Variants in PTPN7 observed in about 807,000 individuals in gnomAD.
PTPN7 encodes the protein tyrosine-protein phosphatase non-receptor type 7.
Under a neutral mutation model 50.3 loss-of-function variants are expected in PTPN7, and 33 were observed. The observed-to-expected ratio is 0.66, with a 90% CI of 0.50 to 0.88. The LOEUF (loss-of-function observed/expected upper bound fraction) is 0.88, where lower values mean the gene tolerates loss of function less well. Ranked by LOEUF, PTPN7 falls within the 40% of genes least tolerant of loss-of-function variation. PTPN7 has a pLI of 0.00. For synonymous variants in PTPN7, 185 were observed against 186.6 expected, an observed-to-expected ratio of 0.99 and a Z score of 0.07; for missense variants, 412 against 475.4, an observed-to-expected ratio of 0.87 and a Z score of 1.24.
At chr1:202,154,463 C>G in intron 5 of PTPN7, 140 bp from the exon 6 acceptor site, 1 of 959,712 alleles carries the variant, frequency 1.0e-6, no homozygotes, top group Non-Finnish European at 1.5e-6. Flanking sequence ...AACACGCACA[C>G]TCAGAAGCCA....
chr1:202,153,711 C>T lies in PTPN7; in HGVS notation c.717+14G>A, dbSNP rs200484612. 72 of 1,605,950 alleles carry T rather than the reference C, an allele frequency of 4.5e-5. No individual in the cohort carries two copies. Among genetic ancestry groups the T allele is most frequent in the African/African-American group, 9.4e-5 (7 of 74,800 alleles). ...CCCAACTTCCCACTGGGCCTGGCTC[C>T]GGGGGGGTGGTACCTGGATGGTGAG... is the stretch of plus-strand genomic sequence containing the variant. On this transcript the variant is annotated intron_variant, in intron 7 of 9. Transcript: ENST00000691036.
At position 202,148,593 on chromosome 1, in the gene PTPN7, A is replaced by C. The variant is rs1050696463; in HGVS notation, c.*13T>G. On this transcript the variant is annotated 3_prime_UTR_variant, in exon 10 of 10. Transcript: ENST00000691036. ...GGGAGGTAGGCACCTGGGCCACCGG[A>C]GGGTGGCAGGGGTCAGGGGCTGGGT... 1.2e-6 allele frequency: 2 copies of C among 1,610,600 alleles called. No homozygotes were observed. The highest frequency in any genetic ancestry group is 1.3e-5 in the African/African-American group (1 of 74,836).
chr1:202,159,732 A>G lies in PTPN7; in HGVS notation c.-52-278T>C. ...GGAAAAGAGAGAGGGGAGAGAGGCC[A>G]CACACCAGAGTACACAGGGCTCTGA... On this transcript the variant is annotated intron_variant, in intron 1 of 9. Transcript: ENST00000691036. The surrounding 1 kb of genome is among the most constrained non-coding windows in gnomAD (Gnocchi z 4.6). 1 of 1,359,284 alleles carries G rather than the reference A, an allele frequency of 7.4e-7. No homozygotes were observed. Among genetic ancestry groups the G allele is most frequent in the African/African-American group, 1.5e-5 (1 of 68,888 alleles). The allele number at this position is 1,359,284 out of a possible 1,614,324, so 84.2% of individuals were successfully genotyped here.
intron 4 of PTPN7, among the ~76,000 whole-genome samples, chr1:202,156,846 C>T (rs1019463047): frequency 1.3e-5 from 2 of 152,122 alleles, no homozygotes; most frequent in African/African-American, 4.8e-5. Flanking sequence ...GGAGAGGCTC[C>T]GGGGCCTCAT....
At chr1:202,160,726 C>T (rs756300882), upstream of PTPN7, 10 of 1,550,318 alleles carry the variant, frequency 6.5e-6, no homozygotes, top group South Asian at 8.3e-5. This position sits in a 1 kb window ranked among gnomAD's most constrained non-coding sequence, Gnocchi z 4.8. Flanking sequence ...CACCAGGGGT[C>T]GGCTGCCTCC....
At chr1:202,156,919 C>T (rs1656727300) in intron 4 of PTPN7, among the ~76,000 whole-genome samples, 1 of 152,136 alleles carries the variant, frequency 6.6e-6, no homozygotes, top group Admixed American at 6.5e-5. Context: ...GTCACCCCCT[C>T]CTAGCACAGT....
Position 202,159,482 on chromosome 1 carries a change from T to A in PTPN7, c.-52-28A>T, listed in dbSNP as rs1178606048. ...GAAAGACAGGGCCCTCCGCTGCTGTTCTCTGGCCTGCCTGATTGGCCAGAA... is the reference window on the plus strand; with the variant it reads ...GAAAGACAGGGCCCTCCGCTGCTGTACTCTGGCCTGCCTGATTGGCCAGAA... On this transcript the variant is annotated intron_variant, in intron 1 of 9. Transcript: ENST00000691036. This position sits in a 1 kb window ranked among gnomAD's most constrained non-coding sequence, Gnocchi z 4.6. The A allele has an allele frequency of 1.9e-6, 3 of 1,599,116 alleles. No homozygotes were observed. In the Admixed American group the frequency reaches 5.1e-5, roughly 27 times the overall value.
In PTPN7 at chr1:202,155,554, G is replaced by A; in HGVS notation, c.447C>T (p.Tyr149=). The A allele has an allele frequency of 1.3e-6, 2 of 1,565,866 alleles. No homozygotes were observed. Among genetic ancestry groups the A allele is most frequent in the South Asian group, 1.1e-5 (1 of 90,080 alleles). The change falls in exon 5 of 10, where the codon TAC becomes TAT. Residue 149 remains tyrosine, a synonymous_variant. Transcript: ENST00000691036. ...GRAQSQEDGD[Y]INANYIRGYD... Reference sequence around the variant, plus strand: ...TCACTCGGATGTAGTTGGCATTGATGTAATCTCCGTCCTCCTGGCTCTGTG... The same window carrying A: ...TCACTCGGATGTAGTTGGCATTGATATAATCTCCGTCCTCCTGGCTCTGTG...
intron 2 of PTPN7, chr1:202,158,523 G>A: frequency 2.0e-6 from 1 of 489,856 alleles, no homozygotes; most frequent in Admixed American, 3.8e-5. Context: ...ACCACACCTG[G>A]CTAATTTAAG....
upstream of PTPN7, chr1:202,161,529 C>T (rs568754062): frequency 1.2e-3 from 1,489 of 1,289,256 alleles, 1 homozygote; most frequent in Non-Finnish European, 1.4e-3. Context: ...CCTTGGCAGG[C>T]TCCTTGCGGG....
chr1:202,159,458 A>G lies in PTPN7; in HGVS notation c.-52-4T>C. The G allele has an allele frequency of 3.1e-6, 5 of 1,610,756 alleles. No homozygotes were observed. The highest frequency in any genetic ancestry group is 4.2e-6 in the Non-Finnish European group (5 of 1,177,454). On this transcript the variant is annotated splice_polypyrimidine_tract_variant and splice_region_variant and intron_variant, in intron 1 of 9. Transcript: ENST00000691036. The surrounding 1 kb of genome is among the most constrained non-coding windows in gnomAD (Gnocchi z 4.6). Reference sequence around the variant, plus strand: ...CTCACTCAGCCATGAGGTCTGCCTGAAAGACAGGGCCCTCCGCTGCTGTTC... The same window carrying G: ...CTCACTCAGCCATGAGGTCTGCCTGGAAGACAGGGCCCTCCGCTGCTGTTC...
rs1241736700 is a variant in PTPN7, at chr1:202,160,335, C to T, written c.-53+210G>A. Among the ~76,000 whole-genome samples, 1 of 152,048 alleles carries T rather than the reference C, an allele frequency of 6.6e-6. No individual in the cohort carries two copies. Among genetic ancestry groups the T allele is most frequent in the Non-Finnish European group, 1.5e-5 (1 of 67,980 alleles). Reference sequence around the variant, plus strand: ...GGGTCTCTGGTAGCAGAAAAGGTCCCTTCAGCCTCTGCTCTCCTTGTAGCT... The same window carrying T: ...GGGTCTCTGGTAGCAGAAAAGGTCCTTTCAGCCTCTGCTCTCCTTGTAGCT... On this transcript the variant is annotated intron_variant, in intron 1 of 9. Coordinates refer to ENST00000691036, the MANE Select transcript of PTPN7 (RefSeq NM_002832.4). This position sits in a 1 kb window ranked among gnomAD's most constrained non-coding sequence, Gnocchi z 4.8.
Position 202,153,739 on chromosome 1 carries a change from G to A in PTPN7, c.703C>T (p.Gln235Ter), listed in dbSNP as rs1422795414. 2.5e-6 allele frequency: 4 copies of A among 1,613,872 alleles called. No homozygotes were observed. The highest frequency in any genetic ancestry group is 3.4e-6 in the Non-Finnish European group (4 of 1,179,772). Residue 235 changes from glutamine to a stop codon, truncating the protein, a stop_gained, in exon 7 of 10, where the codon CAG (glutamine) becomes TAG (stop). Transcript: ENST00000691036. LOFTEE classifies it high-confidence loss of function. ...MKECPEYTVR[Q>*]LTIQYQEERR... Reference sequence around the variant, plus strand: ...GGGGGTGGTACCTGGATGGTGAGCTGCCGCACAGTGTATTCTGGGCACTCT... The same window carrying A: ...GGGGGTGGTACCTGGATGGTGAGCTACCGCACAGTGTATTCTGGGCACTCT...
rs547285345 is a variant in PTPN7 at position 202,157,514 on chromosome 1, A to G, written c.391+225T>C. On this transcript the variant is annotated intron_variant, in intron 4 of 9. Coordinates refer to ENST00000691036, the MANE Select transcript of PTPN7 (RefSeq NM_002832.4). Reference sequence around the variant, plus strand: ...ACGAGAGTGAAAACTCCGTCTTAAAAAAAAAAAAAAGGATTGAGAACAGGG... The same window carrying G: ...ACGAGAGTGAAAACTCCGTCTTAAAGAAAAAAAAAAGGATTGAGAACAGGG... Among the ~76,000 whole-genome samples, 326 of 152,088 alleles carry G rather than the reference A, an allele frequency of 2.1e-3. 3 individuals are homozygous for G. The highest frequency in any genetic ancestry group is 7.5e-3 in the African/African-American group (310 of 41,448).
rs1018939369 is a variant in PTPN7, at chr1:202,159,213, T to C, written c.122+68A>G. 7 of 1,500,554 alleles carry C rather than the reference T, an allele frequency of 4.7e-6. No homozygotes were observed. Among genetic ancestry groups the C allele is most frequent in the African/African-American group, 4.1e-5 (3 of 72,562 alleles). 93.0% of individuals were successfully genotyped at this position (1,500,554 alleles called of 1,614,324 possible). On this transcript the variant is annotated intron_variant, in intron 2 of 9. Transcript: ENST00000691036. This position sits in a 1 kb window ranked among gnomAD's most constrained non-coding sequence, Gnocchi z 4.6. ...CTGCTGTCAGAGCTGGAGGGGCAGATGGAAGGAAGGGAGGAGCGGAATGGG... is the reference window on the plus strand; with the variant it reads ...CTGCTGTCAGAGCTGGAGGGGCAGACGGAAGGAAGGGAGGAGCGGAATGGG...
At chr1:202,161,227 C>A (rs1049188823), upstream of PTPN7, 3 of 1,117,554 alleles carry the variant, frequency 2.7e-6, no homozygotes, top group African/African-American at 3.2e-5. Flanking sequence ...GCCTGTGCCA[C>A]GGCCCAGCTC....
rs1269514752 is a variant in PTPN7 at position 202,153,767 on chromosome 1, CA to C, written c.674del (p.Met225ArgfsTer23). ...YGPFQIRIQD[M>X]KECPEYTVRQ... is the part of the protein sequence containing the mutation. Reference sequence around the variant, plus strand: ...GCACAGTGTATTCTGGGCACTCTTTCATGTCCTGGATGCGGATCTGGAAGGG... The same window carrying C: ...GCACAGTGTATTCTGGGCACTCTTTCTGTCCTGGATGCGGATCTGGAAGGG... On this transcript the variant is annotated frameshift_variant, in exon 7 of 10. Coordinates refer to ENST00000691036, the MANE Select transcript of PTPN7 (RefSeq NM_002832.4). LOFTEE classifies it high-confidence loss of function. 5 of 1,614,118 alleles carry C rather than the reference CA, an allele frequency of 3.1e-6. No individual in the cohort carries two copies. The highest frequency in any genetic ancestry group is 4.2e-6 in the Non-Finnish European group (5 of 1,179,992).
chr1:202,154,177 G>A lies in PTPN7; in HGVS notation c.606+9C>T. On this transcript the variant is annotated intron_variant, in intron 6 of 9. Transcript: ENST00000691036. ...TGGGTTCATCATGAACTGTGGCTCT[G>A]CCTCCTACCTCCTTGCCCTCTCGGA... The A allele has an allele frequency of 6.2e-7, 1 of 1,613,936 alleles. No individual in the cohort carries two copies. Among genetic ancestry groups the A allele is most frequent in the Non-Finnish European group, 8.5e-7 (1 of 1,180,016 alleles).
In PTPN7 at chr1:202,152,488, G is replaced by A. The variant is rs776438842; in HGVS notation, c.875+54C>T. 6 of 1,580,554 alleles carry A rather than the reference G, an allele frequency of 3.8e-6. No homozygotes were observed. The East Asian group carries it at 1.1e-4, about 30-fold the overall frequency. On this transcript the variant is annotated intron_variant, in intron 8 of 9. Transcript: ENST00000691036. The stretch of plus-strand genomic sequence containing the variant: ...GACCCTTCCCCAGGAGAGACCCAGG[G>A]GGCAGGGGAGGGGAGCACAGTCCAC...
Sources: allele counts gnomAD v4.1 joint callset (sites outside exome capture counted in the v4.1 genomes callset), GRCh38; gene constraint gnomAD v4.1.1; non-coding constraint Gnocchi (gnomAD v3.1); transcripts MANE v1.5; gene names NCBI Gene and HGNC (gene_info 2026-07-23, HGNC 2026-07-21).